The following ORC5 variants were observed in gnomAD, a reference collection of about 807,000 sequenced individuals.
The protein encoded by ORC5 is origin recognition complex subunit 5, also known as protein phosphatase 1, regulatory subunit 117.
In ORC5, 39 loss-of-function variants were observed where a neutral mutation model predicts 58.8. The observed-to-expected ratio is 0.66, with a 90% CI of 0.51 to 0.87. The LOEUF (loss-of-function observed/expected upper bound fraction) is 0.87. Ranked by LOEUF, ORC5 falls within the 40% of genes least tolerant of loss-of-function variation. ORC5 has a pLI of 0.00. For synonymous variants in ORC5, 218 were observed against 177.6 expected, an observed-to-expected ratio of 1.23 and a Z score of -1.81; for missense variants, 493 against 506.3, an observed-to-expected ratio of 0.97 and a Z score of 0.25.
chr7:104,169,619 C>T (rs1799174183), intron 8 of ORC5, among the ~76,000 whole-genome samples: 1 of 151,940 alleles, frequency 6.6e-6, no homozygotes, highest in Non-Finnish European at 1.5e-5. Context: ...AAAAATAATG[C>T]CAGATTAGAA....
At chr7:104,201,541 G>C (rs1799942965) in intron 2 of ORC5, among the ~76,000 whole-genome samples, 2 of 151,414 alleles carry the variant, frequency 1.3e-5, no homozygotes, top group Admixed American at 1.3e-4. Flanking sequence ...AATCAGCCAG[G>C]CATGGTGGAT....
At chr7:104,201,168 G>C (rs2116092094) in intron 2 of ORC5, among the ~76,000 whole-genome samples, 1 of 152,246 alleles carries the variant, frequency 6.6e-6, no homozygotes, top group South Asian at 2.1e-4. Context: ...GAACCAGCAG[G>C]AGACTAAGGG....
At position 104,185,081 on chromosome 7, in the gene ORC5, G is replaced by C. The variant is rs894159710; in HGVS notation, c.685-910C>G. On this transcript the variant is annotated intron_variant, in intron 6 of 13. Transcript: ENST00000297431. ...CTCATATTTTGTGTAAGGCTCCTGT[G>C]CCCATATGCATATTAATAAATTTGT... is the stretch of plus-strand genomic sequence containing the variant. Among the ~76,000 whole-genome samples the C allele has an allele frequency of 6.8e-5, 10 of 147,358 alleles. No individual in the cohort carries two copies. In the East Asian group the frequency reaches 1.8e-3, roughly 27 times the overall value.
chr7:104,142,261 T>C (rs1798685481), intron 12 of ORC5, among the ~76,000 whole-genome samples: 1 of 152,088 alleles, frequency 6.6e-6, no homozygotes, highest in Admixed American at 6.6e-5. Context: ...ACGACTTAAA[T>C]GTAAGACATG....
rs866851178 is a variant in ORC5 at position 104,208,006 on chromosome 7, C to T, written c.-102G>A. On this transcript the variant is annotated 5_prime_UTR_variant, in exon 1 of 14. Transcript: ENST00000297431. Reference sequence around the variant, plus strand: ...TGGCGGCCCACGCTCCCGCCGGAAACCGGACCCGCAGCGTCGTGGGAGGAG... The same window carrying T: ...TGGCGGCCCACGCTCCCGCCGGAAATCGGACCCGCAGCGTCGTGGGAGGAG... 4 of 1,145,992 alleles carry T rather than the reference C, an allele frequency of 3.5e-6. No individual in the cohort carries two copies. Among genetic ancestry groups the T allele is most frequent in the Middle Eastern group, 2.3e-4 (1 of 4,378 alleles). 71.0% of individuals were successfully genotyped at this position (1,145,992 alleles called of 1,614,324 possible).
At chr7:104,180,877 A>G (rs1799418379) in intron 8 of ORC5, among the ~76,000 whole-genome samples, 1 of 152,188 alleles carries the variant, frequency 6.6e-6, no homozygotes, top group African/African-American at 2.4e-5. Context: ...ATTTCTGATT[A>G]TGGTAAACTT....
intron 5 of ORC5, among the ~76,000 whole-genome samples, chr7:104,189,894 C>T (rs1799635461): frequency 6.6e-6 from 1 of 152,132 alleles, no homozygotes; most frequent in South Asian, 2.1e-4. Context: ...TTCTGGAGTA[C>T]AGGTAGAAAC....
intron 12 of ORC5, among the ~76,000 whole-genome samples, chr7:104,144,073 C>T (rs1036214810): frequency 4.6e-5 from 7 of 151,968 alleles, no homozygotes; most frequent in African/African-American, 1.4e-4. Flanking sequence ...GAGCTGAGAT[C>T]GCACCACTGC....
chr7:104,180,479 T>A (rs1170828924), intron 8 of ORC5, among the ~76,000 whole-genome samples: 1 of 152,170 alleles, frequency 6.6e-6, no homozygotes, highest in Non-Finnish European at 1.5e-5. Flanking sequence ...AATGAATGAC[T>A]ATCATTTCAC....
chr7:104,205,084 C>CT lies in ORC5; in HGVS notation c.73-851dup, dbSNP rs769195880. 2.6e-3 allele frequency among the ~76,000 whole-genome samples: 267 copies of CT among 102,336 alleles called. 9 individuals are homozygous for CT. Among genetic ancestry groups the CT allele is most frequent in the African/African-American group, 8.8e-3 (257 of 29,284 alleles). The allele number at this position is 102,336 out of a possible 152,430, so 67.1% of individuals were successfully genotyped here. On this transcript the variant is annotated intron_variant, in intron 1 of 13. Coordinates refer to ENST00000297431, the MANE Select transcript of ORC5 (RefSeq NM_002553.4). Reference sequence around the variant, plus strand: ...GGGAAAACTTGATTTTTTAATAATACTCTTTTTTTTTTTTTTTTTTTTTGA... The same window carrying CT: ...GGGAAAACTTGATTTTTTAATAATACTTCTTTTTTTTTTTTTTTTTTTTTGA...
chr7:104,141,140 AGAGT>A (rs1425938094), intron 12 of ORC5, among the ~76,000 whole-genome samples: 1 of 152,212 alleles, frequency 6.6e-6, no homozygotes, highest in Non-Finnish European at 1.5e-5. Context: ...CGGCCTGAAA[AGAGT>A]GTGTGCTAAA....
intron 8 of ORC5, among the ~76,000 whole-genome samples, chr7:104,169,770 T>C (rs980299845): frequency 6.6e-6 from 1 of 152,184 alleles, no homozygotes; most frequent in Non-Finnish European, 1.5e-5. Flanking sequence ...TGTATAGCAA[T>C]CAACAAGTTT....
Position 104,204,223 on chromosome 7 carries a change from G to A in ORC5, c.84C>T (p.Phe28=). The change falls in exon 2 of 14, where the codon TTC becomes TTT. Residue 28 remains phenylalanine (F), a synonymous_variant. Transcript: ENST00000297431. ...CATAAATAAAAATGGATGGAAAGCT[G>A]AAATGATGTCTCTAACGAGAGAAAA... ...LQSLFGERHH[F]SFPSIFIYGH... is the part of the protein sequence containing the mutation. The A allele has an allele frequency of 1.3e-6, 2 of 1,589,952 alleles. No individual in the cohort carries two copies. Among genetic ancestry groups the A allele is most frequent in the Non-Finnish European group, 1.7e-6 (2 of 1,162,240 alleles).
At chr7:104,187,653 C>T (rs1194891836) in intron 6 of ORC5, 1 of 694,768 alleles carries the variant, frequency 1.4e-6, no homozygotes, top group African/African-American at 2.0e-5. Flanking sequence ...CAAAAAAGGT[C>T]AAAGAAAAAT....
chr7:104,146,696 A>C (rs1221402552), intron 12 of ORC5, among the ~76,000 whole-genome samples: 1 of 152,218 alleles, frequency 6.6e-6, no homozygotes, highest in Admixed American at 6.5e-5. Flanking sequence ...ATCACGGAGA[A>C]TCCTTGTGAT....
At chr7:104,166,177 T>G (rs1303012220) in intron 10 of ORC5, among the ~76,000 whole-genome samples, 3 of 152,150 alleles carry the variant, frequency 2.0e-5, no homozygotes, top group African/African-American at 7.2e-5. Flanking sequence ...TAAGATAGGT[T>G]GTACAGGGAG....
Position 104,195,225 on chromosome 7 carries a change from G to T in ORC5, c.471C>A (p.Leu157=). The T allele has an allele frequency of 1.3e-6, 2 of 1,565,810 alleles. No homozygotes were observed. Among genetic ancestry groups the T allele is most frequent in the East Asian group, 2.4e-5 (1 of 41,708 alleles). Residue 157 remains leucine (L), a synonymous_variant, in exon 5 of 14, where the codon CTC becomes CTA. Transcript: ENST00000297431. Reference sequence around the variant, plus strand: ...GAAACTTTTCCCAAACAATTTCACTGAGAAAGAGAACAGTCACATTTCTGT... The same window carrying T: ...GAAACTTTTCCCAAACAATTTCACTTAGAAAGAGAACAGTCACATTTCTGT... ...LADRNVTVLF[L]SEIVWEKFRP...
Position 104,183,927 on chromosome 7 carries a change from C to T in ORC5, c.824+16G>A. On this transcript the variant is annotated intron_variant, in intron 8 of 13. Coordinates refer to ENST00000297431, the MANE Select transcript of ORC5 (RefSeq NM_002553.4). Reference sequence around the variant, plus strand: ...AAAGATATAAAAACTAGTATGCATACTAAATAGAAAATTACCTTGATATTT... The same window carrying T: ...AAAGATATAAAAACTAGTATGCATATTAAATAGAAAATTACCTTGATATTT... The T allele has an allele frequency of 6.5e-7, 1 of 1,548,298 alleles. No individual in the cohort carries two copies. The highest frequency in any genetic ancestry group is 8.9e-7 in the Non-Finnish European group (1 of 1,124,662).
At position 104,172,069 on chromosome 7, in the gene ORC5, C is replaced by T. The variant is rs554649895; in HGVS notation, c.825-3544G>A. On this transcript the variant is annotated intron_variant, in intron 8 of 13. Coordinates refer to ENST00000297431, the MANE Select transcript of ORC5 (RefSeq NM_002553.4). ...TTTCAGTCTTTGTTTGACTTTTCAC[C>T]TCAGCATGAGCTCCAGAGCTGGCCC... Among the ~76,000 whole-genome samples the T allele has an allele frequency of 1.6e-4, 24 of 152,266 alleles. 1 individual carries two copies. In the South Asian group the frequency reaches 4.8e-3, roughly 30 times the overall value.
Sources: allele counts gnomAD v4.1 joint callset (sites outside exome capture counted in the v4.1 genomes callset), GRCh38; gene constraint gnomAD v4.1.1; transcripts MANE v1.5; gene names NCBI Gene and HGNC (gene_info 2026-07-23, HGNC 2026-07-21).